The following PTPRD variants were observed in gnomAD, a reference collection of about 807,000 sequenced individuals.
The protein encoded by PTPRD is protein tyrosine phosphatase receptor type D, also known as receptor-type tyrosine-protein phosphatase delta.
Under a neutral mutation model 214.5 loss-of-function variants are expected in PTPRD, and 34 were observed. The ratio of observed to expected loss-of-function variants is 0.16; its 90% CI spans 0.12 to 0.21. The LOEUF (loss-of-function observed/expected upper bound fraction) is 0.21, where lower values mean the gene tolerates loss of function less well. PTPRD is among the 10% of genes least tolerant of loss of function. PTPRD has a pLI of 1.00. For synonymous variants in PTPRD, 1,128 were observed against 845.7 expected (o/e 1.33, Z -5.79); for missense variants, 2,545 against 2,398.7 (o/e 1.06, Z -1.27).
intron 12 of PTPRD, among the ~76,000 whole-genome samples, chr9:8,694,450 G>A (rs538330009): frequency 6.6e-5 from 10 of 151,964 alleles, no homozygotes; most frequent in African/African-American, 1.9e-4. Flanking sequence ...ATTTGTAATC[G>A]GTCCCACTGA....
intron 8 of PTPRD, among the ~76,000 whole-genome samples, chr9:9,569,108 A>G (rs1188170058): frequency 3.3e-4 from 50 of 151,752 alleles, no homozygotes; most frequent in Admixed American, 3.3e-3. Context: ...CATTTTCTTA[A>G]TTCTTACTCT....
chr9:9,947,556 T>TATAAA (rs2092904416), intron 4 of PTPRD, among the ~76,000 whole-genome samples: 1 of 43,404 alleles, frequency 2.3e-5, no homozygotes, highest in Non-Finnish European at 3.6e-5. Flanking sequence ...ATATATTATA[T>TATAAA]ATATATTTTA....
At chr9:9,840,830 C>CA (rs2058149504) in intron 5 of PTPRD, among the ~76,000 whole-genome samples, 1 of 135,378 alleles carries the variant, frequency 7.4e-6, no homozygotes, top group Non-Finnish European at 1.5e-5. Flanking sequence ...CACTGGAATG[C>CA]AATCTATGTA....
intron 7 of PTPRD, among the ~76,000 whole-genome samples, chr9:9,663,925 G>C (rs1459762579): frequency 6.6e-6 from 1 of 151,294 alleles, no homozygotes; most frequent in East Asian, 1.9e-4. Flanking sequence ...TAGTTTTTAA[G>C]ATAAAGTTTT....
intron 14 of PTPRD, among the ~76,000 whole-genome samples, chr9:8,614,401 T>C (rs1047202612): frequency 7.6e-4 from 116 of 152,272 alleles, no homozygotes; most frequent in African/African-American, 2.7e-3. Flanking sequence ...TGACCAGGTA[T>C]AGGTTTATTC....
At chr9:9,025,585 G>T (rs1450820971) in intron 10 of PTPRD, among the ~76,000 whole-genome samples, 9 of 151,934 alleles carry the variant, frequency 5.9e-5, no homozygotes, top group Admixed American at 5.9e-4. Context: ...ACAATGAAGA[G>T]AACTGAAATA....
At chr9:9,858,416 A>G (rs2153684973) in intron 5 of PTPRD, among the ~76,000 whole-genome samples, 1 of 152,328 alleles carries the variant, frequency 6.6e-6, no homozygotes. Context: ...TTGGTGCATA[A>G]TGACTGTTCT....
intron 27 of PTPRD, among the ~76,000 whole-genome samples, chr9:8,489,839 A>C (rs2097113118): frequency 6.6e-6 from 1 of 152,216 alleles, no homozygotes; most frequent in Non-Finnish European, 1.5e-5. Context: ...CAGAAACACT[A>C]TAGGTATCAA....
chr9:9,606,354 TAAAAC>T (rs1294519893), intron 7 of PTPRD, among the ~76,000 whole-genome samples: 2 of 152,108 alleles, frequency 1.3e-5, no homozygotes, highest in Non-Finnish European at 2.9e-5. Context: ...AGCTTGGTCT[TAAAAC>T]AACAGCAATT....
chr9:10,326,588 C>T (rs1225001475), intron 3 of PTPRD, among the ~76,000 whole-genome samples: 1 of 151,480 alleles, frequency 6.6e-6, no homozygotes, highest in African/African-American at 2.4e-5. Context: ...AATTGCTTCA[C>T]ATTTTGGTTT....
At chr9:10,432,880 CAT>C (rs770161489) in intron 2 of PTPRD, among the ~76,000 whole-genome samples, 32 of 151,876 alleles carry the variant, frequency 2.1e-4, no homozygotes, top group Non-Finnish European at 4.3e-4. Flanking sequence ...TATTTTTGCT[CAT>C]AGTGTCCAGT....
intron 4 of PTPRD, among the ~76,000 whole-genome samples, chr9:9,956,715 G>A (rs1367150996): frequency 6.6e-6 from 1 of 152,080 alleles, no homozygotes; most frequent in Non-Finnish European, 1.5e-5. Context: ...TGGCCCATAG[G>A]AGCTAGTTAC....
chr9:10,065,307 T>G (rs1294460725), intron 3 of PTPRD, among the ~76,000 whole-genome samples: 1 of 151,958 alleles, frequency 6.6e-6, no homozygotes, highest in African/African-American at 2.4e-5. Flanking sequence ...TGTTAGTCAG[T>G]GGATCCATGG....
intron 9 of PTPRD, among the ~76,000 whole-genome samples, chr9:9,294,492 G>C (rs945306593): frequency 6.6e-6 from 1 of 151,646 alleles, no homozygotes; most frequent in African/African-American, 2.4e-5. Flanking sequence ...TGGACGTAAG[G>C]CTGCTAAGAA....
chr9:9,578,776 C>A (rs1729102515), intron 7 of PTPRD, among the ~76,000 whole-genome samples: 1 of 151,944 alleles, frequency 6.6e-6, no homozygotes, highest in African/African-American at 2.4e-5. Context: ...CCTGAATAAA[C>A]TACAAAAAAA....
intron 3 of PTPRD, among the ~76,000 whole-genome samples, chr9:10,271,314 A>G (rs1052636656): frequency 6.6e-6 from 1 of 152,176 alleles, no homozygotes; most frequent in Admixed American, 6.5e-5. Context: ...TGTTACAAAT[A>G]CTATTTAACA....
chr9:10,170,433 T>A (rs2099194546), intron 3 of PTPRD, among the ~76,000 whole-genome samples: 1 of 152,172 alleles, frequency 6.6e-6, no homozygotes, highest in Non-Finnish European at 1.5e-5. Flanking sequence ...GGCTCACACC[T>A]GTAATCCCAG....
At chr9:8,842,087 T>C (rs72704316) in intron 11 of PTPRD, among the ~76,000 whole-genome samples, 22,827 of 149,882 alleles carry the variant, frequency 0.15, 1,842 homozygotes, top group East Asian at 0.23. Flanking sequence ...TGTATAACAA[T>C]GAGAATGAAA....
chr9:9,524,066 G>A (rs2097060581), intron 8 of PTPRD, among the ~76,000 whole-genome samples: 1 of 152,144 alleles, frequency 6.6e-6, no homozygotes, highest in Non-Finnish European at 1.5e-5. Context: ...ATTTTGAACT[G>A]TGGGTTTCTA....
Sources: gnomAD v4.1 joint callset for allele counts (sites outside exome capture counted in the v4.1 genomes callset) on GRCh38, gnomAD v4.1.1 for gene constraint, MANE v1.5 for transcripts, NCBI Gene and HGNC (gene_info 2026-07-23, HGNC 2026-07-21) for gene names.